FANCB: variants seen among roughly 807,000 people sequenced by gnomAD.
FANCB encodes the protein Fanconi anemia group B protein.
FANCB carries 5 observed loss-of-function variants against 38.9 expected under a neutral mutation model. The observed-to-expected ratio is 0.13, with a 90% CI of 0.07 to 0.27. The LOEUF is 0.27. Ranked by LOEUF, FANCB falls within the 10% of genes least tolerant of loss-of-function variation. The probability of loss-of-function intolerance (pLI) is 1.00; values close to 1 mark genes in which losing one functional copy is unlikely to be tolerated. For synonymous variants in FANCB, 236 were observed against 215.4 expected (o/e 1.10, Z -0.84); for missense variants, 573 against 602.7 (o/e 0.95, Z 0.52).
chrX:14,693,473 G>C, the FANCB span, among the ~76,000 whole-genome samples: 3 of 111,493 alleles, frequency 2.7e-5, no homozygotes, highest in African/African-American at 9.8e-5. Context: ...AATACACCAA[G>C]TTTAAATTGA....
At chrX:14,718,576 C>T in the FANCB span, among the ~76,000 whole-genome samples, 5 of 111,971 alleles carry the variant, frequency 4.5e-5, no homozygotes, top group South Asian at 1.5e-3. Flanking sequence ...CATATTAGCT[C>T]AGACGATTCA....
the FANCB span, among the ~76,000 whole-genome samples, chrX:14,689,631 G>A: frequency 8.9e-6 from 1 of 111,926 alleles, no homozygotes; most frequent in Non-Finnish European, 1.9e-5. Flanking sequence ...ATGAGTTGTT[G>A]TAAGGGTTAA....
downstream of FANCB, among the ~76,000 whole-genome samples, chrX:14,842,166 A>G (rs2092357121): frequency 2.7e-5 from 3 of 112,100 alleles, no homozygotes; most frequent in Admixed American, 2.8e-4. Flanking sequence ...ATATGCAGAA[A>G]GTCTGAAATA....
chrX:14,729,356 T>A, the FANCB span, among the ~76,000 whole-genome samples: 1 of 111,061 alleles, frequency 9.0e-6, no homozygotes, highest in East Asian at 2.8e-4. Flanking sequence ...CAACCCCACC[T>A]TTTCAACCCC....
chrX:14,810,686 C>T, the FANCB span, among the ~76,000 whole-genome samples: 2 of 111,816 alleles, frequency 1.8e-5, no homozygotes, highest in South Asian at 7.5e-4. Context: ...AAATCTACGT[C>T]TGATTGGTGT....
the FANCB span, among the ~76,000 whole-genome samples, chrX:14,816,600 T>C: frequency 8.9e-6 from 1 of 112,407 alleles, no homozygotes; most frequent in Non-Finnish European, 1.9e-5. Context: ...TCCTGTGCAT[T>C]GCAGGATGTG....
chrX:14,756,692 T>A, the FANCB span, among the ~76,000 whole-genome samples: 6 of 111,664 alleles, frequency 5.4e-5, no homozygotes, highest in Non-Finnish European at 1.1e-4. Flanking sequence ...GGCAGCGGTC[T>A]TTGCTCACTA....
chrX:14,793,863 A>G, the FANCB span, among the ~76,000 whole-genome samples: 1 of 111,586 alleles, frequency 9.0e-6, no homozygotes. Context: ...GGCATGGAAG[A>G]AACAATATTT....
At chrX:14,802,343 G>A in the FANCB span, among the ~76,000 whole-genome samples, 1 of 111,684 alleles carries the variant, frequency 9.0e-6, no homozygotes, top group East Asian at 2.8e-4. Context: ...CTGAAATGTT[G>A]GGTCACACAG....
chrX:14,765,525 C>T, the FANCB span, among the ~76,000 whole-genome samples: 1 of 112,480 alleles, frequency 8.9e-6, no homozygotes, highest in East Asian at 2.8e-4. Flanking sequence ...AAGAAGATAG[C>T]TCAGAAATGA....
the FANCB span, among the ~76,000 whole-genome samples, chrX:14,738,298 G>A: frequency 8.9e-6 from 1 of 112,081 alleles, no homozygotes; most frequent in South Asian, 3.7e-4. Flanking sequence ...AACGTTACTG[G>A]GGATTTTATT....
the FANCB span, among the ~76,000 whole-genome samples, chrX:14,716,417 A>G: frequency 8.9e-6 from 1 of 111,786 alleles, no homozygotes; most frequent in Non-Finnish European, 1.9e-5. Context: ...TGCAATATCC[A>G]GTCTATTTAA....
the FANCB span, among the ~76,000 whole-genome samples, chrX:14,760,543 AATGT>A: frequency 8.9e-6 from 1 of 112,174 alleles, no homozygotes; most frequent in African/African-American, 3.2e-5. Flanking sequence ...AGAAATGATA[AATGT>A]ATGAGGTGAG....
chrX:14,865,524 G>C lies in FANCB; in HGVS notation c.-14C>G. The C allele has an allele frequency of 1.8e-6, 2 of 1,116,588 alleles. No homozygotes were observed. The highest frequency in any genetic ancestry group is 3.6e-5 in the South Asian group (2 of 54,826). The allele number at this position is 1,116,588 out of a possible 1,213,427, so 92.0% of individuals were successfully genotyped here. A position where few individuals can be genotyped will look rare whatever the true frequency, so the allele number is the denominator to read the frequency against. On this transcript the variant is annotated 5_prime_UTR_variant, in exon 3 of 10. Transcript: ENST00000650831. ...TTTGCTAGTCATTCCACAATATCAAGTCTTTGTGCTGATCTAATTTTCAAA... is the reference window on the plus strand; with the variant it reads ...TTTGCTAGTCATTCCACAATATCAACTCTTTGTGCTGATCTAATTTTCAAA...
At chrX:14,834,550 ATG>A, downstream of FANCB, 1 of 508,120 alleles carries the variant, frequency 2.0e-6, no homozygotes, top group Admixed American at 2.4e-5. Flanking sequence ...CACATAACTG[ATG>A]AACTTGGCTT....
chrX:14,749,006 G>A, the FANCB span, among the ~76,000 whole-genome samples: 4 of 111,932 alleles, frequency 3.6e-5, no homozygotes, highest in Non-Finnish European at 7.5e-5. Context: ...GTTAGGGAAG[G>A]CATTTCACAT....
chrX:14,698,106 G>C, the FANCB span, among the ~76,000 whole-genome samples: 2 of 111,523 alleles, frequency 1.8e-5, no homozygotes, highest in Non-Finnish European at 3.8e-5. Flanking sequence ...AAGCAAATAG[G>C]GTGAGGCAAG....
chrX:14,777,235 AAT>A, the FANCB span, among the ~76,000 whole-genome samples: 1 of 112,295 alleles, frequency 8.9e-6, no homozygotes, highest in Non-Finnish European at 1.9e-5. Flanking sequence ...GCCTCTCTTA[AAT>A]GAAGGTCTGC....
chrX:14,816,255 G>T, the FANCB span, among the ~76,000 whole-genome samples: 5 of 111,861 alleles, frequency 4.5e-5, no homozygotes, highest in Non-Finnish European at 9.4e-5. Flanking sequence ...GCAAATATTA[G>T]TAATGTCTAC....
Sources: gnomAD v4.1 joint callset for allele counts (sites outside exome capture counted in the v4.1 genomes callset) on GRCh38, gnomAD v4.1.1 for gene constraint, MANE v1.5 for transcripts, NCBI Gene and HGNC (gene_info 2026-07-23, HGNC 2026-07-21) for gene names.